Variants in TENM3 observed in about 807,000 individuals in gnomAD.
TENM3 encodes the protein teneurin-3.
A neutral mutation model predicts 255.1 loss-of-function variants in TENM3; 63 were observed. The ratio of observed to expected loss-of-function variants is 0.25; its 90% CI spans 0.20 to 0.30. TENM3 has a LOEUF of 0.30. Ranked by LOEUF, TENM3 falls within the 10% of genes least tolerant of loss-of-function variation. TENM3 has a pLI of 1.00. For synonymous variants in TENM3, 1,306 were observed against 1,322.3 expected (o/e 0.99, Z 0.27); for missense variants, 2,929 against 3,461.1 (o/e 0.85, Z 3.86).
At chr4:181,831,471 A>G in the TENM3 span, among the ~76,000 whole-genome samples, 1 of 144,736 alleles carries the variant, frequency 6.9e-6, no homozygotes, top group African/African-American at 2.5e-5. Flanking sequence ...GCATTAACCT[A>G]TCATTTTAAT....
the TENM3 span, among the ~76,000 whole-genome samples, chr4:181,817,275 T>C: frequency 1.1e-3 from 163 of 152,330 alleles, 4 homozygotes; most frequent in East Asian, 0.023. Flanking sequence ...TGGATAATTC[T>C]TTATTGTGGG....
the TENM3 span, among the ~76,000 whole-genome samples, chr4:182,133,578 A>T: frequency 6.6e-6 from 1 of 152,212 alleles, no homozygotes. Flanking sequence ...AAATTTGTAC[A>T]CAGTGTTCCA....
At position 182,708,655 on chromosome 4, in the gene TENM3, A is replaced by G. The variant is rs111904561; in HGVS notation, c.2222-5432A>G. ...TCTACTAAAAATACAAAAATTAGCC[A>G]GGTGTGGTGGCGGGCGCCTGTAGTC... On this transcript the variant is annotated intron_variant, in intron 12 of 27. Coordinates refer to ENST00000511685, the MANE Select transcript of TENM3 (RefSeq NM_001080477.4). 4.0e-3 allele frequency among the ~76,000 whole-genome samples: 616 copies of G among 152,236 alleles called. 6 individuals carry two copies. The highest frequency in any genetic ancestry group is 0.013 in the African/African-American group (557 of 41,564).
the TENM3 span, among the ~76,000 whole-genome samples, chr4:181,802,520 T>A: frequency 6.6e-6 from 1 of 152,214 alleles, no homozygotes; most frequent in African/African-American, 2.4e-5. Context: ...GATTTATTTT[T>A]AAATAACTAG....
intron 12 of TENM3, chr4:182,708,031 A>T (rs7684608): frequency 0.8 from 120,348 of 150,630 alleles, 48,236 homozygotes; most frequent in East Asian, 0.89. Context: ...AAGAGACGAC[A>T]TTGTGATAGA....
chr4:182,001,112 A>G, the TENM3 span, among the ~76,000 whole-genome samples: 2 of 149,470 alleles, frequency 1.3e-5, no homozygotes, highest in African/African-American at 4.9e-5. Flanking sequence ...AGGTATTTGT[A>G]TTCAAATCCC....
At chr4:181,918,401 A>G in the TENM3 span, among the ~76,000 whole-genome samples, 1 of 152,320 alleles carries the variant, frequency 6.6e-6, no homozygotes, top group Non-Finnish European at 1.5e-5. Context: ...CATTACCTAA[A>G]CAGTAAGAAA....
At chr4:181,915,109 C>T in the TENM3 span, among the ~76,000 whole-genome samples, 1 of 152,064 alleles carries the variant, frequency 6.6e-6, no homozygotes, top group Admixed American at 6.6e-5. Context: ...ATCAGGAGGA[C>T]AAGGCATTTT....
intron 5 of TENM3, among the ~76,000 whole-genome samples, chr4:182,641,224 A>C (rs571742855): frequency 1.3e-5 from 2 of 152,208 alleles, no homozygotes; most frequent in Admixed American, 1.3e-4. Flanking sequence ...GTATACACAC[A>C]CTCACGAATC....
chr4:181,583,349 T>C, the TENM3 span, among the ~76,000 whole-genome samples: 2 of 152,148 alleles, frequency 1.3e-5, no homozygotes, highest in Non-Finnish European at 2.9e-5. Context: ...GCAACATGGA[T>C]GTTTTGCTAA....
In TENM3 at chr4:182,228,392, G is replaced by GTGTGTGTGTGTGTA. The variant is rs139457090; in HGVS notation, c.-76+83639_-76+83640insGTGTGTGTGTGTAT. On this transcript the variant is annotated intron_variant, in intron 1 of 2. Transcript: ENST00000512480. ...TGTGTGTGTGTGTGTGTGTGTGTGT[G>GTGTGTGTGTGTGTA]TATATGTAATCCCTCCCAGCTCTAA... Among the ~76,000 whole-genome samples, 91 of 104,516 alleles carry GTGTGTGTGTGTGTA rather than the reference G, an allele frequency of 8.7e-4. 8 individuals are homozygous for GTGTGTGTGTGTGTA. The highest frequency in any genetic ancestry group is 3.7e-3 in the African/African-American group (84 of 22,472). 68.6% of individuals were successfully genotyped at this position (104,516 alleles called of 152,430 possible). A position where few individuals can be genotyped will look rare whatever the true frequency, so the allele number is the denominator to read the frequency against.
intron 3 of TENM3, among the ~76,000 whole-genome samples, chr4:182,570,782 A>G (rs1744276827): frequency 6.6e-6 from 1 of 151,840 alleles, no homozygotes; most frequent in South Asian, 2.1e-4. Flanking sequence ...GTGAGTGGAG[A>G]TCGCACCACT....
At chr4:182,635,172 A>G (rs902373344) in intron 5 of TENM3, among the ~76,000 whole-genome samples, 1 of 152,214 alleles carries the variant, frequency 6.6e-6, no homozygotes, top group African/African-American at 2.4e-5. Flanking sequence ...TTATCAGACT[A>G]TATTGTGGTG....
chr4:182,368,287 G>C (rs145562900), intron 3 of TENM3, among the ~76,000 whole-genome samples: 312 of 152,300 alleles, frequency 2.0e-3, no homozygotes, highest in African/African-American at 7.0e-3. Flanking sequence ...GATTATGATA[G>C]TAAACCGTAT....
At chr4:182,209,795 G>A (rs28675745) in intron 1 of TENM3, among the ~76,000 whole-genome samples, 1,776 of 152,156 alleles carry the variant, frequency 0.012, 28 homozygotes, top group African/African-American at 0.041. Flanking sequence ...ATAGCAGCCC[G>A]TGGGGGTACT....
intron 3 of TENM3, among the ~76,000 whole-genome samples, chr4:182,542,499 TC>T: frequency 6.6e-6 from 1 of 152,194 alleles, no homozygotes; most frequent in East Asian, 1.9e-4. Flanking sequence ...AGAGCCAAGG[TC>T]AAGGCAGGCA....
intron 19 of TENM3, 91 bp from the exon 20 acceptor site, chr4:182,751,709 G>A (rs1343687226): frequency 2.3e-6 from 2 of 871,102 alleles, no homozygotes; most frequent in Admixed American, 3.6e-5. Context: ...ACTATAATCA[G>A]TTTCTCATGA....
At chr4:181,715,839 G>A in the TENM3 span, among the ~76,000 whole-genome samples, 4 of 152,294 alleles carry the variant, frequency 2.6e-5, no homozygotes, top group Admixed American at 1.3e-4. Flanking sequence ...ATAGATATTG[G>A]TGATATGATG....
Position 182,324,722 on chromosome 4 carries a change from T to C in TENM3, c.232+470T>C, listed in dbSNP as rs140329002. ...CCAGATCATCTCAGGACCCAAGCAG[T>C]CCTGCTGTTTGCCTCTGTCTGATTC... On this transcript the variant is annotated intron_variant, in intron 2 of 27. Transcript: ENST00000511685. Among the ~76,000 whole-genome samples, 148 of 152,290 alleles carry C rather than the reference T, an allele frequency of 9.7e-4. 1 individual carries two copies. Among genetic ancestry groups the C allele is most frequent in the African/African-American group, 3.4e-3 (140 of 41,552 alleles).
Sources: allele counts gnomAD v4.1 joint callset (sites outside exome capture counted in the v4.1 genomes callset), GRCh38; gene constraint gnomAD v4.1.1; transcripts MANE v1.5; gene names NCBI Gene and HGNC (gene_info 2026-07-23, HGNC 2026-07-21).